MAP2: variants seen among roughly 807,000 people sequenced by gnomAD.
MAP2 encodes the protein microtubule-associated protein 2.
Under a neutral mutation model 137.6 loss-of-function variants are expected in MAP2, and 14 were observed. The ratio of observed to expected loss-of-function variants is 0.10; its 90% CI spans 0.07 to 0.16. The LOEUF (loss-of-function observed/expected upper bound fraction) is 0.16, where lower values mean the gene tolerates loss of function less well. MAP2 is among the 10% of genes least tolerant of loss of function. The probability of loss-of-function intolerance (pLI) is 1.00; values close to 1 mark genes in which losing one functional copy is unlikely to be tolerated. For missense variants in MAP2, 2,088 were observed against 2,191.5 expected (o/e 0.95, Z 0.94); for synonymous variants, 786 against 782.3 (o/e 1.00, Z -0.08).
chr2:209,692,528 T>G, intron 7 of MAP2, 97 bp from the exon 8 acceptor site: 1 of 1,388,046 alleles, frequency 7.2e-7, no homozygotes, highest in East Asian at 2.4e-5. Flanking sequence ...TTTGTTTTTA[T>G]TCTACCATTC....
chr2:209,671,194 A>G (rs2048706083), intron 5 of MAP2, among the ~76,000 whole-genome samples: 1 of 151,926 alleles, frequency 6.6e-6, no homozygotes, highest in African/African-American at 2.4e-5. Flanking sequence ...GTGACCCCTG[A>G]GATTAACAGA....
chr2:209,478,873 A>G (rs1708046064), intron 1 of MAP2, among the ~76,000 whole-genome samples: 1 of 152,148 alleles, frequency 6.6e-6, no homozygotes, highest in South Asian at 2.1e-4. Context: ...TCTCCCTCTA[A>G]TGAAATAGGA....
intron 1 of MAP2, among the ~76,000 whole-genome samples, chr2:209,466,853 G>T: frequency 6.6e-6 from 1 of 152,150 alleles, no homozygotes; most frequent in East Asian, 1.9e-4. Flanking sequence ...AGAGCTACCT[G>T]GCTCTCACTG....
intron 5 of MAP2, among the ~76,000 whole-genome samples, chr2:209,663,178 A>C (rs2044514147): frequency 6.6e-6 from 1 of 152,092 alleles, no homozygotes; most frequent in African/African-American, 2.4e-5. Context: ...TTTCTACTTC[A>C]GTGTGTCAAG....
intron 4 of MAP2, among the ~76,000 whole-genome samples, chr2:209,638,578 C>T (rs895980161): frequency 2.6e-5 from 4 of 152,020 alleles, no homozygotes; most frequent in East Asian, 3.9e-4. Flanking sequence ...TAGTATTTAA[C>T]ATAATTAACT....
intron 3 of MAP2, among the ~76,000 whole-genome samples, chr2:209,595,745 C>T (rs1366144348): frequency 2.6e-5 from 4 of 152,106 alleles, no homozygotes; most frequent in Admixed American, 2.0e-4. Flanking sequence ...GAAAATGTGG[C>T]ATATATATAC....
At chr2:209,514,352 T>C (rs2062160671) in intron 2 of MAP2, among the ~76,000 whole-genome samples, 1 of 151,982 alleles carries the variant, frequency 6.6e-6, no homozygotes. Flanking sequence ...TTTTTTTTCA[T>C]GTGGGAAAAG....
chr2:209,675,858 C>G (rs948751897), intron 5 of MAP2, among the ~76,000 whole-genome samples: 1 of 151,726 alleles, frequency 6.6e-6, no homozygotes, highest in African/African-American at 2.4e-5. Flanking sequence ...AACAAGAATG[C>G]AGGACCCCCA....
intron 4 of MAP2, among the ~76,000 whole-genome samples, chr2:209,647,914 A>G (rs2094514342): frequency 6.6e-6 from 1 of 152,204 alleles, no homozygotes; most frequent in Non-Finnish European, 1.5e-5. Flanking sequence ...CTAAGGTAGC[A>G]AACATCAAAG....
intron 13 of MAP2, among the ~76,000 whole-genome samples, chr2:209,718,469 G>T (rs528855790): frequency 5.9e-5 from 9 of 152,020 alleles, no homozygotes; most frequent in Admixed American, 5.9e-4. Context: ...CAAAATGACT[G>T]TTGTACTCAT....
chr2:209,483,396 A>G (rs2057969559), intron 1 of MAP2, among the ~76,000 whole-genome samples: 1 of 152,182 alleles, frequency 6.6e-6, no homozygotes, highest in South Asian at 2.1e-4. Context: ...CAACACAGTA[A>G]GACCTTGTCT....
chr2:209,489,416 G>A (rs2149955588), intron 1 of MAP2, among the ~76,000 whole-genome samples: 1 of 152,224 alleles, frequency 6.6e-6, no homozygotes, highest in East Asian at 1.9e-4. Flanking sequence ...CGCCAGCAAG[G>A]GAACAAAACT....
chr2:209,508,133 C>G (rs2061291487), intron 2 of MAP2, among the ~76,000 whole-genome samples: 1 of 151,930 alleles, frequency 6.6e-6, no homozygotes, highest in South Asian at 2.1e-4. Context: ...TCCTTTTGTT[C>G]TGTGCTTTCA....
At chr2:209,609,590 G>A (rs1342564558) in intron 3 of MAP2, among the ~76,000 whole-genome samples, 1 of 152,164 alleles carries the variant, frequency 6.6e-6, no homozygotes, top group Non-Finnish European at 1.5e-5. Context: ...ACAATAGGTG[G>A]TCTTTTGTAG....
intron 1 of MAP2, among the ~76,000 whole-genome samples, chr2:209,481,291 G>A (rs1708696180): frequency 6.6e-6 from 1 of 152,172 alleles, no homozygotes; most frequent in Non-Finnish European, 1.5e-5. Flanking sequence ...CCTCCTATTG[G>A]GTGAAGATGG....
rs2094922096 is a variant in MAP2 at position 209,653,210 on chromosome 2, T to C, written c.40T>C (p.Trp14Arg). 5 of 1,612,886 alleles carry C rather than the reference T, an allele frequency of 3.1e-6. No individual in the cohort carries two copies. The highest frequency in any genetic ancestry group is 4.2e-6 in the Non-Finnish European group (5 of 1,179,532). ...ERKDEAKAPHWTSAPLTEASA... is the reference protein window; with the variant it reads ...ERKDEAKAPHRTSAPLTEASA... Reference sequence around the variant, plus strand: ...GAAAGATGAAGCAAAGGCACCTCACTGGACCTCAGCACCGCTAACAGAGGC... The same window carrying C: ...GAAAGATGAAGCAAAGGCACCTCACCGGACCTCAGCACCGCTAACAGAGGC... The change falls in exon 5 of 16, where the codon TGG becomes CGG. Residue 14 changes from tryptophan (W) to arginine (R), a missense_variant. Trp to Arg is a moderately radical substitution (Grantham distance 101). Around this residue, in one of 6 missense-constraint regions of MAP2, gnomAD observed 859 missense variants for 794.5 expected, o/e 1.08. Transcript: ENST00000682079.
intron 11 of MAP2, among the ~76,000 whole-genome samples, chr2:209,701,390 T>G (rs763331070): frequency 2.6e-5 from 4 of 151,896 alleles, no homozygotes; most frequent in Non-Finnish European, 4.4e-5. Flanking sequence ...TAACTGTATT[T>G]TAATGACCAA....
At chr2:209,457,687 AC>A (rs1260309554) in intron 1 of MAP2, among the ~76,000 whole-genome samples, 1 of 152,214 alleles carries the variant, frequency 6.6e-6, no homozygotes, top group Admixed American at 6.5e-5. Flanking sequence ...TGTTGGAATG[AC>A]TAAACTCTAT....
At chr2:209,484,893 A>C (rs942363145) in intron 1 of MAP2, among the ~76,000 whole-genome samples, 14 of 152,342 alleles carry the variant, frequency 9.2e-5, no homozygotes, top group African/African-American at 3.4e-4. Flanking sequence ...TAGTGAAAAA[A>C]GAAATCTTCT....
Sources: allele counts gnomAD v4.1 joint callset (sites outside exome capture counted in the v4.1 genomes callset), GRCh38; gene constraint gnomAD v4.1.1; regional missense constraint gnomAD v4.1.1; transcripts MANE v1.5; gene names NCBI Gene and HGNC (gene_info 2026-07-23, HGNC 2026-07-21).